Variants in CSGALNACT1 observed in about 807,000 individuals in gnomAD.
CSGALNACT1 encodes the protein beta4GalNAcT-1.
Under a neutral mutation model 51.0 loss-of-function variants are expected in CSGALNACT1, and 52 were observed. The observed-to-expected ratio is 1.02, with a 90% CI of 0.82 to 1.29. The LOEUF (loss-of-function observed/expected upper bound fraction) is 1.29. CSGALNACT1 is among the 50% of genes most tolerant of loss of function. The pLI, the probability that CSGALNACT1 is intolerant of heterozygous loss-of-function variation, is 0.00. For missense variants in CSGALNACT1, 935 were observed against 679.2 expected (o/e 1.38, Z -4.19); for synonymous variants, 341 against 254.4 (o/e 1.34, Z -3.24).
At chr8:19,738,841 C>T (rs542275430) in intron 1 of CSGALNACT1, among the ~76,000 whole-genome samples, 77 of 151,866 alleles carry the variant, frequency 5.1e-4, no homozygotes, top group Admixed American at 9.2e-4. Flanking sequence ...TTTAATTAAA[C>T]CTCTAGATAT....
intron 1 of CSGALNACT1, among the ~76,000 whole-genome samples, chr8:19,628,833 G>T (rs992657250): frequency 6.6e-6 from 1 of 152,018 alleles, no homozygotes; most frequent in Non-Finnish European, 1.5e-5. Context: ...CAAACAGAAG[G>T]TCAGGATAGG....
intron 4 of CSGALNACT1, among the ~76,000 whole-genome samples, chr8:19,488,258 G>A (rs1275002535): frequency 6.6e-6 from 1 of 151,504 alleles, no homozygotes; most frequent in African/African-American, 2.4e-5. Flanking sequence ...GCTGAGGCAG[G>A]AGAATCGCTT....
chr8:19,718,582 C>T (rs2062944491), intron 1 of CSGALNACT1, among the ~76,000 whole-genome samples: 1 of 152,118 alleles, frequency 6.6e-6, no homozygotes, highest in Non-Finnish European at 1.5e-5. Context: ...TTCATATGAA[C>T]TGATAATTAT....
intron 1 of CSGALNACT1, among the ~76,000 whole-genome samples, chr8:19,738,825 C>A (rs1377859211): frequency 6.6e-6 from 1 of 151,820 alleles, no homozygotes; most frequent in Non-Finnish European, 1.5e-5. Flanking sequence ...AAAAAATGAA[C>A]CTCCATTTAA....
intron 3 of CSGALNACT1, among the ~76,000 whole-genome samples, chr8:19,530,937 A>G (rs1299484398): frequency 6.6e-6 from 1 of 152,178 alleles, no homozygotes; most frequent in Non-Finnish European, 1.5e-5. Context: ...CCTTGAACCT[A>G]CAGGGGGTTC....
At chr8:19,617,459 G>A (rs1168495025) in intron 1 of CSGALNACT1, among the ~76,000 whole-genome samples, 1 of 152,126 alleles carries the variant, frequency 6.6e-6, no homozygotes, top group Non-Finnish European at 1.5e-5. Context: ...TGTTTAACCC[G>A]AATATAGACT....
At chr8:19,563,849 C>A (rs1195725522) in intron 3 of CSGALNACT1, among the ~76,000 whole-genome samples, 1 of 152,118 alleles carries the variant, frequency 6.6e-6, no homozygotes, top group Non-Finnish European at 1.5e-5. Context: ...AGGCCTCCAA[C>A]CTCCCCTTCA....
intron 1 of CSGALNACT1, among the ~76,000 whole-genome samples, chr8:19,756,381 T>C (rs978232285): frequency 2.0e-5 from 3 of 152,226 alleles, no homozygotes; most frequent in African/African-American, 7.2e-5. Flanking sequence ...ATTTCACTTA[T>C]GAGTATTTCC....
chr8:19,693,650 A>T (rs2061443138), intron 1 of CSGALNACT1, among the ~76,000 whole-genome samples: 1 of 152,062 alleles, frequency 6.6e-6, no homozygotes, highest in Non-Finnish European at 1.5e-5. Flanking sequence ...TCACATACAG[A>T]GCTTTAGTTC....
chr8:19,519,111 GC>G (rs2080134637), intron 3 of CSGALNACT1, among the ~76,000 whole-genome samples: 1 of 152,110 alleles, frequency 6.6e-6, no homozygotes, highest in Non-Finnish European at 1.5e-5. Flanking sequence ...ATTATGGAAA[GC>G]CCAATTCATT....
intron 3 of CSGALNACT1, among the ~76,000 whole-genome samples, chr8:19,507,132 A>G (rs2077489155): frequency 6.6e-6 from 1 of 152,176 alleles, no homozygotes; most frequent in Admixed American, 6.5e-5. Context: ...ATCAGGGGAC[A>G]ATGGTTCCAG....
intron 1 of CSGALNACT1, among the ~76,000 whole-genome samples, chr8:19,638,519 AG>A (rs2056376162): frequency 1.3e-5 from 2 of 152,356 alleles, no homozygotes; most frequent in Middle Eastern, 3.4e-3. Context: ...ATAAGGTAAA[AG>A]GAACTGGATG....
chr8:19,555,362 T>A (rs2089461548), intron 3 of CSGALNACT1, among the ~76,000 whole-genome samples: 1 of 152,092 alleles, frequency 6.6e-6, no homozygotes, highest in Non-Finnish European at 1.5e-5. Flanking sequence ...GAACCAGGAA[T>A]GTTTGTTGTG....
At chr8:19,434,298 C>A (rs1399455538) in intron 6 of CSGALNACT1, among the ~76,000 whole-genome samples, 1 of 152,160 alleles carries the variant, frequency 6.6e-6, no homozygotes, top group Non-Finnish European at 1.5e-5. Context: ...ATTTTCCCCA[C>A]ATTTTTATTT....
At chr8:19,531,606 G>T (rs975547043) in intron 3 of CSGALNACT1, among the ~76,000 whole-genome samples, 5 of 152,222 alleles carry the variant, frequency 3.3e-5, no homozygotes, top group Non-Finnish European at 5.9e-5. Flanking sequence ...CTTCTCAGGT[G>T]CAAGGAAAAT....
chr8:19,718,916 C>T lies in CSGALNACT1; in HGVS notation c.-297+38934G>A, dbSNP rs144634221. ...TCCCCATCATGCTAAGATGTCCTGA[C>T]GTATTATGGCTATTAACATACGCCC... On this transcript the variant is annotated intron_variant, in intron 1 of 1. Coordinates refer to the CSGALNACT1 transcript ENST00000517494. 2.6e-4 allele frequency among the ~76,000 whole-genome samples: 40 copies of T among 152,274 alleles called. No homozygotes were observed. In the East Asian group the frequency reaches 6.2e-3, roughly 24 times the overall value.
intron 1 of CSGALNACT1, among the ~76,000 whole-genome samples, chr8:19,709,401 A>C (rs2062369177): frequency 6.6e-6 from 1 of 152,258 alleles, no homozygotes; most frequent in South Asian, 2.1e-4. Flanking sequence ...ATAGAAAGCA[A>C]ACAAATTAAC....
At chr8:19,557,624 C>T (rs1378733473) in intron 3 of CSGALNACT1, among the ~76,000 whole-genome samples, 1 of 152,156 alleles carries the variant, frequency 6.6e-6, no homozygotes, top group East Asian at 1.9e-4. Flanking sequence ...AAGGCCTATT[C>T]CTGTATTTTA....
At chr8:19,425,554 T>C (rs1037715301) in intron 6 of CSGALNACT1, among the ~76,000 whole-genome samples, 1 of 152,192 alleles carries the variant, frequency 6.6e-6, no homozygotes, top group Non-Finnish European at 1.5e-5. Context: ...AGAGAATTAC[T>C]GAGGCTAATC....
Sources: allele counts gnomAD v4.1 joint callset (sites outside exome capture counted in the v4.1 genomes callset), GRCh38; gene constraint gnomAD v4.1.1; transcripts MANE v1.5; gene names NCBI Gene and HGNC (gene_info 2026-07-23, HGNC 2026-07-21).